Variants in NDUFA3 observed in about 807,000 individuals in gnomAD.
The protein encoded by NDUFA3 is NADH dehydrogenase [ubiquinone] 1 alpha subcomplex subunit 3.
A neutral mutation model predicts 11.4 loss-of-function variants in NDUFA3; 10 were observed. The ratio of observed to expected loss-of-function variants is 0.87; its 90% CI spans 0.54 to 1.48. The LOEUF (loss-of-function observed/expected upper bound fraction) is 1.48, where lower values mean the gene tolerates loss of function less well. Ranked by LOEUF, NDUFA3 falls within the 40% of genes most tolerant of loss-of-function variation. The pLI is 0.00. For synonymous variants in NDUFA3, 39 were observed against 46.9 expected (o/e 0.83, Z 0.68); for missense variants, 115 against 110.5 (o/e 1.04, Z -0.18).
rs1198161148 is a variant in NDUFA3 at position 54,106,811 on chromosome 19, T to A, written c.164T>A (p.Val55Glu). 4.3e-6 allele frequency: 7 copies of A among 1,611,042 alleles called. No homozygotes were observed. The South Asian group carries it at 7.7e-5, about 18-fold the overall frequency. The change falls in exon 4 of 4, where the codon GTG becomes GAG. Residue 55 changes from valine (V) to glutamate (E), a missense_variant and splice_region_variant. Coordinates refer to ENST00000485876, the MANE Select transcript of NDUFA3 (RefSeq NM_004542.4). ...CAGTGGCCCACCTCCTGCCCCACAG[T>A]GCCCGTCCGTGATGATGGGAACATG... ...INKATPYNYPVPVRDDGNMPD... is the reference protein window; with the variant it reads ...INKATPYNYPEPVRDDGNMPD...
At chr19:54,105,654 C>T (rs1011970854) in intron 2 of NDUFA3, 1 of 666,286 alleles carries the variant, frequency 1.5e-6, no homozygotes, top group Non-Finnish European at 2.8e-6. Flanking sequence ...CTCAAACGTG[C>T]TCATTCCATG....
At chr19:54,103,934 C>T (rs2073173819) in intron 2 of NDUFA3, among the ~76,000 whole-genome samples, 1 of 151,032 alleles carries the variant, frequency 6.6e-6, no homozygotes, top group African/African-American at 2.4e-5. Flanking sequence ...TCCGGGTTCA[C>T]GCCATTCTCC....
At position 54,105,994 on chromosome 19, in the gene NDUFA3, C is replaced by T. The variant is rs769564432; in HGVS notation, c.146C>T (p.Thr49Met). 1.3e-5 allele frequency: 21 copies of T among 1,613,428 alleles called. No individual in the cohort carries two copies. The highest frequency in any genetic ancestry group is 4.5e-5 in the East Asian group (2 of 44,864). ...TACTCCGTCATGATCAACAAGGCCA[C>T]GCCCTACAACTACCCAGGTGAGTGG... Reference protein sequence around the residue: ...FKYSVMINKATPYNYPVPVRD... With the variant: ...FKYSVMINKAMPYNYPVPVRD... The change falls in exon 3 of 4, where the codon ACG becomes ATG. Residue 49 changes from threonine to methionine, a missense_variant. Coordinates refer to ENST00000485876, the MANE Select transcript of NDUFA3 (RefSeq NM_004542.4).
At chr19:54,106,773 G>T in intron 3 of NDUFA3, 38 bp from the exon 4 acceptor site, 1 of 1,550,890 alleles carries the variant, frequency 6.4e-7, no homozygotes. Context: ...GGGCCCTGGA[G>T]ACGTGCTGGT....
intron 2 of NDUFA3, among the ~76,000 whole-genome samples, chr19:54,105,060 T>C (rs2073212916): frequency 6.6e-6 from 1 of 152,082 alleles, no homozygotes; most frequent in Non-Finnish European, 1.5e-5. Flanking sequence ...TAAAATTTGT[T>C]TCATCTGTAT....
At position 54,105,264 on chromosome 19, in the gene NDUFA3, C is replaced by CCTTTTTTTTTT. The variant is rs1316415018; in HGVS notation, c.86-670_86-669insCTTTTTTTTTT. On this transcript the variant is annotated intron_variant, in intron 2 of 3. Coordinates refer to ENST00000485876, the MANE Select transcript of NDUFA3 (RefSeq NM_004542.4). ...ACCCTTTCTCCTCCAGTTTGTAAGG[C>CCTTTTTTTTTT]TTTTTTTTTTTTTTTTTTTTTGGTG... 1.6e-3 allele frequency among the ~76,000 whole-genome samples: 115 copies of CCTTTTTTTTTT among 71,266 alleles called. 8 individuals are homozygous for CCTTTTTTTTTT. The highest frequency in any genetic ancestry group is 3.9e-3 in the African/African-American group (65 of 16,572). The allele number at this position is 71,266 out of a possible 152,430, so 46.8% of individuals were successfully genotyped here.
In NDUFA3 at chr19:54,104,034, C is replaced by G. The variant is rs587599044; in HGVS notation, c.85+846C>G. ...ATGTTCAATAGAGACGGGGTTTCAC[C>G]GTGTTAGCCAGGATGGTCTCGATCT... is the stretch of plus-strand genomic sequence containing the variant. On this transcript the variant is annotated intron_variant, in intron 2 of 3. Coordinates refer to ENST00000485876, the MANE Select transcript of NDUFA3 (RefSeq NM_004542.4). Among the ~76,000 whole-genome samples, 360 of 151,724 alleles carry G rather than the reference C, an allele frequency of 2.4e-3. 2 individuals are homozygous for G. Among genetic ancestry groups the G allele is most frequent in the Middle Eastern group, 6.8e-3 (2 of 292 alleles).
intron 2 of NDUFA3, among the ~76,000 whole-genome samples, chr19:54,104,899 T>C (rs1177338835): frequency 2.0e-5 from 3 of 151,664 alleles, no homozygotes; most frequent in Non-Finnish European, 4.4e-5. Context: ...CCACTACACC[T>C]GGCTGTTTTT....
intron 2 of NDUFA3, among the ~76,000 whole-genome samples, chr19:54,104,725 A>G (rs1266686650): frequency 1.7e-5 from 2 of 120,214 alleles, no homozygotes; most frequent in African/African-American, 3.0e-5. Context: ...TGGATGTACT[A>G]TGGTTTTTTT....
Position 54,106,236 on chromosome 19 carries a change from T to C in NDUFA3, c.163+225T>C, listed in dbSNP as rs2073256235. 5.4e-6 allele frequency: 3 copies of C among 554,474 alleles called. No homozygotes were observed. In the Admixed American group the frequency reaches 9.8e-5, roughly 18 times the overall value. The allele number at this position is 554,474 out of a possible 1,614,324, so 34.3% of individuals were successfully genotyped here. Reference sequence around the variant, plus strand: ...TTTTTTGAGACAGAGTCTCGCTCTGTCGCCAAGGCTGGAGTGCAGTGGCGC... The same window carrying C: ...TTTTTTGAGACAGAGTCTCGCTCTGCCGCCAAGGCTGGAGTGCAGTGGCGC... On this transcript the variant is annotated intron_variant, in intron 3 of 3. Coordinates refer to ENST00000485876, the MANE Select transcript of NDUFA3 (RefSeq NM_004542.4).
rs1335498972 is a variant in NDUFA3, at chr19:54,107,036, T to G, written c.*134T>G. ...TGGCCGGGGTGAGTGTGGGGTCAGT[T>G]TATTGGGCATGCGTCAGTCAGAGGC... On this transcript the variant is annotated 3_prime_UTR_variant, in exon 4 of 4. Coordinates refer to ENST00000485876, the MANE Select transcript of NDUFA3 (RefSeq NM_004542.4). 1 of 1,612,434 alleles carries G rather than the reference T, an allele frequency of 6.2e-7. No homozygotes were observed. Among genetic ancestry groups the G allele is most frequent in the Admixed American group, 1.7e-5 (1 of 59,626 alleles).
At chr19:54,105,604 C>T (rs1473458029) in intron 2 of NDUFA3, 1 of 569,756 alleles carries the variant, frequency 1.8e-6, no homozygotes, top group South Asian at 1.6e-5. Flanking sequence ...CAGAACAGTC[C>T]CATGACACTA....
Position 54,103,206 on chromosome 19 carries a change from GC to G in NDUFA3, c.85+19del, listed in dbSNP as rs1568554749. 6.3e-7 allele frequency: 1 copy of G among 1,579,336 alleles called. No individual in the cohort carries two copies. Among genetic ancestry groups the G allele is most frequent in the Non-Finnish European group, 8.6e-7 (1 of 1,159,076 alleles). On this transcript the variant is annotated intron_variant, in intron 2 of 3. Coordinates refer to ENST00000485876, the MANE Select transcript of NDUFA3 (RefSeq NM_004542.4). ...GGGCCTCGGTGCGTGAGTGCTCCAG[GC>G]GCAAACTTGCATCGTCCACCCCCGT...
chr19:54,103,268 C>G (rs1269879953), intron 2 of NDUFA3, 80 bp downstream of exon 2: 7 of 1,407,418 alleles, frequency 5.0e-6, no homozygotes, highest in Non-Finnish European at 6.7e-6. Context: ...CCCTAAAGCC[C>G]TATCGCCGCC....
rs1329491909 is a variant in NDUFA3, at chr19:54,102,859, T to TCGCCGCCGC, written c.-19_-11dup. 7 of 1,607,858 alleles carry TCGCCGCCGC rather than the reference T, an allele frequency of 4.4e-6. No individual in the cohort carries two copies. In the East Asian group the frequency reaches 1.6e-4, roughly 36 times the overall value. ...AGGGTGCTCCGCGTCCTCGCCGCTG[T>TCGCCGCCGC]CGCCGCCGCGGAGACAAAGATGGCT... On this transcript the variant is annotated 5_prime_UTR_variant, in exon 1 of 4. Coordinates refer to ENST00000485876, the MANE Select transcript of NDUFA3 (RefSeq NM_004542.4).
chr19:54,106,575 A>C, intron 3 of NDUFA3: 1 of 459,710 alleles, frequency 2.2e-6, no homozygotes, highest in Non-Finnish European at 3.8e-6. Flanking sequence ...CTGTTTCCCC[A>C]TCTCTTTTGA....
At chr19:54,103,084 C>T (rs762868742) in intron 1 of NDUFA3, 30 bp from the exon 2 acceptor site, 4 of 1,606,440 alleles carry the variant, frequency 2.5e-6, no homozygotes, top group Non-Finnish European at 3.4e-6. Flanking sequence ...CAGCTACTTG[C>T]AGGGGTGACG....
chr19:54,103,277 C>G, intron 2 of NDUFA3, 89 bp downstream of exon 2: 1 of 1,305,974 alleles, frequency 7.7e-7, no homozygotes, highest in South Asian at 1.5e-5. Flanking sequence ...CCTATCGCCG[C>G]CCTCGGGTCC....
intron 2 of NDUFA3, 190 bp from the exon 3 acceptor site, chr19:54,105,744 C>CAAAA: frequency 1.5e-6 from 1 of 665,034 alleles, no homozygotes; most frequent in Non-Finnish European, 2.8e-6. Context: ...CTTAACCCCC[C>CAAAA]AAAAAAGAGT....
Sources: allele counts gnomAD v4.1 joint callset (sites outside exome capture counted in the v4.1 genomes callset), GRCh38; gene constraint gnomAD v4.1.1; transcripts MANE v1.5; gene names NCBI Gene and HGNC (gene_info 2026-07-23, HGNC 2026-07-21).